CCDC102B: variants seen among roughly 807,000 people sequenced by gnomAD.
The protein encoded by CCDC102B is coiled-coil domain-containing protein 102B.
In CCDC102B, 75 loss-of-function variants were observed where a neutral mutation model predicts 57.4. The observed-to-expected ratio is 1.31, with a 90% confidence interval of 1.08 to 1.58. The LOEUF (loss-of-function observed/expected upper bound fraction) is 1.58. CCDC102B is among the 40% of genes most tolerant of loss of function. The probability of loss-of-function intolerance (pLI) is 0.00; values close to 1 mark genes in which losing one functional copy is unlikely to be tolerated. For missense variants in CCDC102B, 636 were observed against 582.6 expected (o/e 1.09, Z -0.94); for synonymous variants, 206 against 201.9 (o/e 1.02, Z -0.17).
chr18:69,048,434 A>G (rs2052619452), intron 7 of CCDC102B, among the ~76,000 whole-genome samples: 1 of 152,114 alleles, frequency 6.6e-6, no homozygotes, highest in South Asian at 2.1e-4. Context: ...TAGAAAATGG[A>G]AACTAAGAAA....
At chr18:68,993,666 A>G (rs1354119812) in intron 6 of CCDC102B, among the ~76,000 whole-genome samples, 2 of 152,232 alleles carry the variant, frequency 1.3e-5, no homozygotes, top group Admixed American at 1.3e-4. Flanking sequence ...TGAAAGTCTA[A>G]CTAGTTAATC....
chr18:68,818,282 A>G (rs1230989751), intron 1 of CCDC102B, among the ~76,000 whole-genome samples: 1 of 152,124 alleles, frequency 6.6e-6, no homozygotes, highest in Non-Finnish European at 1.5e-5. Flanking sequence ...TATCGTGTCT[A>G]TTCTCCTGCT....
At chr18:69,014,550 A>G (rs1312956200) in intron 7 of CCDC102B, among the ~76,000 whole-genome samples, 1 of 151,804 alleles carries the variant, frequency 6.6e-6, no homozygotes, top group South Asian at 2.1e-4. Flanking sequence ...CATTTATAGA[A>G]ATTTTTCTGT....
chr18:68,951,931 A>C (rs1170358671), intron 6 of CCDC102B, among the ~76,000 whole-genome samples: 1 of 152,186 alleles, frequency 6.6e-6, no homozygotes, highest in Non-Finnish European at 1.5e-5. Context: ...TCAGAGAAAG[A>C]TACTGATTCT....
chr18:68,926,621 ATGACAG>A (rs1166296408), intron 6 of CCDC102B, among the ~76,000 whole-genome samples: 2 of 152,078 alleles, frequency 1.3e-5, no homozygotes, highest in East Asian at 3.9e-4. Context: ...AAAGTCATGA[ATGACAG>A]TGACATTAAG....
intron 1 of CCDC102B, among the ~76,000 whole-genome samples, chr18:68,814,088 T>C (rs1008375158): frequency 3.3e-5 from 5 of 152,174 alleles, no homozygotes; most frequent in African/African-American, 1.2e-4. Context: ...TAATTTTCTG[T>C]AGAGTGAGAA....
At chr18:68,727,564 A>G (rs559070013) in intron 2 of CCDC102B, among the ~76,000 whole-genome samples, 13 of 152,348 alleles carry the variant, frequency 8.5e-5, no homozygotes, top group African/African-American at 3.1e-4. Context: ...ATTCATGAGC[A>G]AGTGGCCTTT....
intron 1 of CCDC102B, among the ~76,000 whole-genome samples, chr18:68,800,603 T>C (rs1448289873): frequency 6.6e-6 from 1 of 152,136 alleles, no homozygotes; most frequent in Non-Finnish European, 1.5e-5. Flanking sequence ...TTGCACTGAA[T>C]ATTACCTATT....
At chr18:68,865,590 T>C (rs2144896899) in intron 4 of CCDC102B, among the ~76,000 whole-genome samples, 1 of 152,274 alleles carries the variant, frequency 6.6e-6, no homozygotes. Context: ...GCAAGCAAGT[T>C]TTCCTCTCCT....
At chr18:68,832,911 G>A (rs2037207713) in intron 1 of CCDC102B, among the ~76,000 whole-genome samples, 2 of 152,084 alleles carry the variant, frequency 1.3e-5, no homozygotes, top group African/African-American at 4.8e-5. Flanking sequence ...CAAAGAGGAA[G>A]CCAGAGGGAT....
At chr18:68,916,889 G>C (rs578253622) in intron 6 of CCDC102B, among the ~76,000 whole-genome samples, 1 of 152,194 alleles carries the variant, frequency 6.6e-6, no homozygotes, top group African/African-American at 2.4e-5. Context: ...TTTGCAGAGG[G>C]CCCAAGGTCT....
intron 6 of CCDC102B, among the ~76,000 whole-genome samples, chr18:68,998,592 C>T (rs2051099945): frequency 1.4e-4 from 1 of 7,018 alleles, no homozygotes; most frequent in South Asian, 0.026. Context: ...ACCAAAACCC[C>T]CAAAGTAGGG....
At chr18:69,029,060 A>T (rs1568135386) in intron 7 of CCDC102B, among the ~76,000 whole-genome samples, 1 of 152,198 alleles carries the variant, frequency 6.6e-6, no homozygotes, top group Non-Finnish European at 1.5e-5. Context: ...AAAGTTTCAC[A>T]TTCATCTCTC....
intron 7 of CCDC102B, among the ~76,000 whole-genome samples, chr18:69,039,179 A>C (rs369800784): frequency 1.3e-5 from 2 of 152,064 alleles, no homozygotes; most frequent in East Asian, 3.9e-4. Flanking sequence ...AGAGTATTCC[A>C]TTGGAGATAG....
chr18:68,849,231 A>G (rs1407286133), intron 4 of CCDC102B, among the ~76,000 whole-genome samples: 1 of 152,206 alleles, frequency 6.6e-6, no homozygotes, highest in East Asian at 1.9e-4. Context: ...TCTTTTTAAA[A>G]CATATGGCAT....
intron 2 of CCDC102B, among the ~76,000 whole-genome samples, chr18:68,729,784 G>A (rs377526917): frequency 2.6e-5 from 4 of 152,272 alleles, no homozygotes; most frequent in East Asian, 3.9e-4. Context: ...AAAGGGAAAA[G>A]ATTGGTTTAT....
chr18:68,857,328 TA>T (rs1214001228), intron 4 of CCDC102B, among the ~76,000 whole-genome samples: 3 of 70,352 alleles, frequency 4.3e-5, no homozygotes, highest in South Asian at 4.2e-4. Flanking sequence ...ATTATATATA[TA>T]AAATATATAT....
At position 68,831,001 on chromosome 18, in the gene CCDC102B, T is replaced by C. The variant is rs186043253; in HGVS notation, c.-15-5748T>C. Reference sequence around the variant, plus strand: ...GGATTTTGGATCTCTCTGTATTTCTTTATTCATATTATAAAGAAGTCACAC... The same window carrying C: ...GGATTTTGGATCTCTCTGTATTTCTCTATTCATATTATAAAGAAGTCACAC... On this transcript the variant is annotated intron_variant, in intron 1 of 7. Coordinates refer to ENST00000360242, the MANE Select transcript of CCDC102B (RefSeq NM_024781.3). Among the ~76,000 whole-genome samples the C allele has an allele frequency of 2.0e-5, 3 of 152,150 alleles. No homozygotes were observed. The East Asian group carries it at 5.8e-4, about 29-fold the overall frequency.
At chr18:68,787,521 A>G (rs1421959336) in intron 2 of CCDC102B, among the ~76,000 whole-genome samples, 1 of 151,412 alleles carries the variant, frequency 6.6e-6, no homozygotes, top group Non-Finnish European at 1.5e-5. Context: ...TTATTTGTCT[A>G]TTCAGAGATT....
Sources: gnomAD v4.1 joint callset for allele counts (sites outside exome capture counted in the v4.1 genomes callset) on GRCh38, gnomAD v4.1.1 for gene constraint, MANE v1.5 for transcripts, NCBI Gene and HGNC (gene_info 2026-07-23, HGNC 2026-07-21) for gene names.